The following CLVS1 variants were observed in gnomAD, a reference collection of about 807,000 sequenced individuals.
CLVS1 encodes the protein clavesin-1.
CLVS1 carries 10 observed loss-of-function variants against 33.1 expected under a neutral mutation model. The observed-to-expected ratio is 0.30, with a 90% CI of 0.19 to 0.51. CLVS1 has a LOEUF of 0.51. CLVS1 is among the 20% of genes least tolerant of loss of function. The probability of loss-of-function intolerance (pLI) is 0.97; values close to 1 mark genes in which losing one functional copy is unlikely to be tolerated. For synonymous variants in CLVS1, 163 were observed against 166.1 expected (o/e 0.98, Z 0.14); for missense variants, 343 against 433.4 (o/e 0.79, Z 1.85).
chr8:61,395,802 A>G (rs1331157389), intron 3 of CLVS1, among the ~76,000 whole-genome samples: 1 of 145,988 alleles, frequency 6.8e-6, no homozygotes, highest in Non-Finnish European at 1.5e-5. Flanking sequence ...TGAAGAATCA[A>G]AGTGTTTTGT....
intron 2 of CLVS1, among the ~76,000 whole-genome samples, chr8:61,356,893 G>A (rs1812733853): frequency 6.6e-6 from 1 of 152,318 alleles, no homozygotes; most frequent in Middle Eastern, 3.4e-3. Context: ...ACTTGGCAAT[G>A]CGGGCTCTTT....
At chr8:61,418,169 C>G (rs1039108539) in intron 3 of CLVS1, among the ~76,000 whole-genome samples, 2 of 152,154 alleles carry the variant, frequency 1.3e-5, no homozygotes, top group East Asian at 3.9e-4. Context: ...TGAGGAATTG[C>G]TGGTCTCAAC....
intron 2 of CLVS1, among the ~76,000 whole-genome samples, chr8:61,149,551 C>CAATAAA: frequency 1.9e-5 from 1 of 51,988 alleles, no homozygotes; most frequent in East Asian, 4.4e-4. Context: ...GACTCTGTCT[C>CAATAAA]AAAAAAAAAA....
chr8:61,434,794 T>C (rs1816255598), intron 3 of CLVS1, among the ~76,000 whole-genome samples: 1 of 152,144 alleles, frequency 6.6e-6, no homozygotes. Flanking sequence ...CTGTTTCTTA[T>C]CATTGGACCT....
chr8:61,363,471 C>T (rs1396491053), intron 2 of CLVS1, among the ~76,000 whole-genome samples: 1 of 152,114 alleles, frequency 6.6e-6, no homozygotes, highest in Non-Finnish European at 1.5e-5. Flanking sequence ...AGAGAATTTC[C>T]AAGTGATAAT....
intron 3 of CLVS1, among the ~76,000 whole-genome samples, chr8:61,393,314 A>T (rs939837221): frequency 3.4e-5 from 5 of 149,228 alleles, no homozygotes; most frequent in Non-Finnish European, 7.4e-5. Context: ...TCCTGTATTT[A>T]AAAAAAAAAT....
At chr8:61,037,352 C>A in the CLVS1 span, among the ~76,000 whole-genome samples, 2 of 152,130 alleles carry the variant, frequency 1.3e-5, no homozygotes, top group Admixed American at 6.5e-5. Context: ...TTTGACCGCT[C>A]CAGGTACCTG....
chr8:61,268,406 C>T (rs1809358249), intron 2 of CLVS1, among the ~76,000 whole-genome samples: 1 of 151,218 alleles, frequency 6.6e-6, no homozygotes, highest in African/African-American at 2.4e-5. Context: ...TTTCTTAATC[C>T]AGTCTATCAT....
chr8:61,386,836 A>G (rs559592384), intron 3 of CLVS1, among the ~76,000 whole-genome samples: 26 of 151,946 alleles, frequency 1.7e-4, no homozygotes, highest in African/African-American at 5.8e-4. Flanking sequence ...CACAAACATT[A>G]TCTTATTTGA....
chr8:61,164,513 C>T (rs532862875), intron 2 of CLVS1, among the ~76,000 whole-genome samples: 29 of 152,234 alleles, frequency 1.9e-4, no homozygotes, highest in Admixed American at 1.0e-3. Context: ...ACAACATGGC[C>T]GCCCCCACAT....
chr8:61,220,011 T>C (rs1176489478), intron 2 of CLVS1, among the ~76,000 whole-genome samples: 1 of 152,226 alleles, frequency 6.6e-6, no homozygotes, highest in Non-Finnish European at 1.5e-5. Flanking sequence ...TTTTTTCTTA[T>C]AAATATGTTT....
chr8:61,237,263 T>C (rs1808586455), intron 2 of CLVS1, among the ~76,000 whole-genome samples: 1 of 151,894 alleles, frequency 6.6e-6, no homozygotes, highest in South Asian at 2.1e-4. Flanking sequence ...TTGTTGGTAG[T>C]GCCTGTAAGG....
chr8:61,432,250 A>G (rs994767191), intron 3 of CLVS1, among the ~76,000 whole-genome samples: 1 of 152,210 alleles, frequency 6.6e-6, no homozygotes. Context: ...CCTATTATCA[A>G]GGGGTAAAAT....
At chr8:61,384,134 A>G (rs1229745315) in intron 3 of CLVS1, among the ~76,000 whole-genome samples, 1 of 152,212 alleles carries the variant, frequency 6.6e-6, no homozygotes. Flanking sequence ...CAGACAGTGG[A>G]GAGAATACAG....
intron 2 of CLVS1, among the ~76,000 whole-genome samples, chr8:61,141,268 C>G (rs1360073989): frequency 6.6e-6 from 1 of 151,940 alleles, no homozygotes; most frequent in African/African-American, 2.4e-5. Context: ...TTTGCATGGT[C>G]GAAAGGCCAT....
chr8:61,202,712 A>G (rs1251681638), intron 2 of CLVS1: 12 of 1,572,670 alleles, frequency 7.6e-6, no homozygotes, highest in Non-Finnish European at 8.7e-6. Context: ...GCTGTGGAGG[A>G]AGATGCAGAG....
chr8:61,306,945 G>T lies in CLVS1; in HGVS notation c.455+6663G>T, dbSNP rs145138252. Among the ~76,000 whole-genome samples, 219 of 152,352 alleles carry T rather than the reference G, an allele frequency of 1.4e-3. 2 individuals carry two copies. Among genetic ancestry groups the T allele is most frequent in the African/African-American group, 4.0e-3 (165 of 41,580 alleles). On this transcript the variant is annotated intron_variant, in intron 2 of 5. Coordinates refer to ENST00000325897, the MANE Select transcript of CLVS1 (RefSeq NM_173519.3). The stretch of plus-strand genomic sequence containing the variant: ...GGTACATAAGTGCAGACGGTCCTCT[G>T]CAAAGACCTCTGAGATAGTTCAGTT...
At chr8:61,016,797 C>T in the CLVS1 span, among the ~76,000 whole-genome samples, 1 of 152,164 alleles carries the variant, frequency 6.6e-6, no homozygotes, top group Non-Finnish European at 1.5e-5. Context: ...TATGGGAGAA[C>T]TGACAAGTAT....
intron 1 of CLVS1, among the ~76,000 whole-genome samples, chr8:61,082,516 A>AC (rs60189951): frequency 1.4e-3 from 215 of 151,208 alleles, no homozygotes; most frequent in Non-Finnish European, 2.6e-3. Flanking sequence ...AACAACAACA[A>AC]AAAACTGTGC....
Sources: gnomAD v4.1 joint callset for allele counts (sites outside exome capture counted in the v4.1 genomes callset) on GRCh38, gnomAD v4.1.1 for gene constraint, MANE v1.5 for transcripts, NCBI Gene and HGNC (gene_info 2026-07-23, HGNC 2026-07-21) for gene names.